Variants in WDR7 observed in about 807,000 individuals in gnomAD.
The protein encoded by WDR7 is WD repeat domain 7.
Under a neutral mutation model 169.4 loss-of-function variants are expected in WDR7, and 46 were observed. The observed-to-expected ratio is 0.27, with a 90% CI of 0.21 to 0.35. The LOEUF (loss-of-function observed/expected upper bound fraction) is 0.35. Ranked by LOEUF, WDR7 falls within the 10% of genes least tolerant of loss-of-function variation. The probability of loss-of-function intolerance (pLI) is 1.00; values close to 1 mark genes in which losing one functional copy is unlikely to be tolerated. For synonymous variants in WDR7, 612 were observed against 666.8 expected, an observed-to-expected ratio of 0.92 and a Z score of 1.27; for missense variants, 1,534 against 1,859.3, an observed-to-expected ratio of 0.83 and a Z score of 3.22.
At chr18:57,026,873 A>T in intron 27 of WDR7, 131 bp from the exon 28 acceptor site, 1 of 939,740 alleles carries the variant, frequency 1.1e-6, no homozygotes, top group Non-Finnish European at 1.6e-6. Flanking sequence ...TTGAGAGGTT[A>T]AGAACAAGCT....
At chr18:56,983,492 A>G (rs1282195778) in intron 26 of WDR7, among the ~76,000 whole-genome samples, 1 of 152,164 alleles carries the variant, frequency 6.6e-6, no homozygotes, top group Non-Finnish European at 1.5e-5. Context: ...AGAGTGGACA[A>G]TTTATACTCA....
intron 26 of WDR7, among the ~76,000 whole-genome samples, chr18:57,006,885 C>G (rs900544063): frequency 5.3e-5 from 8 of 151,926 alleles, no homozygotes; most frequent in Non-Finnish European, 8.8e-5. Context: ...TCTAAGTGAG[C>G]AACCAGTACA....
At chr18:56,699,654 CT>C (rs2025780369) in intron 12 of WDR7, 1 of 179,984 alleles carries the variant, frequency 5.6e-6, no homozygotes, top group Admixed American at 6.5e-5. Context: ...GTAAAAATTA[CT>C]TTAACTGTGA....
rs1274535659 is a variant in WDR7 at position 56,701,324 on chromosome 18, C to G, written c.1578+4862C>G. ...GTTGGAATCTGTGGTTTTGAGGTTT[C>G]TAATATTAGGTTATTTGCCATTTCT... On this transcript the variant is annotated intron_variant, in intron 12 of 27. Transcript: ENST00000254442. Among the ~76,000 whole-genome samples the G allele has an allele frequency of 2.0e-5, 3 of 152,036 alleles. No individual in the cohort carries two copies. In the East Asian group the frequency reaches 5.8e-4, roughly 29 times the overall value.
At chr18:56,687,073 T>G (rs895567009) in intron 7 of WDR7, 99 bp downstream of exon 7, 49 of 1,134,298 alleles carry the variant, frequency 4.3e-5, no homozygotes, top group Non-Finnish European at 5.3e-5. Context: ...GGTGCAAGAC[T>G]ATTTTCATCA....
downstream of WDR7, chr18:57,032,554 C>G (rs2048446523): frequency 6.6e-6 from 1 of 152,094 alleles, no homozygotes; most frequent in African/African-American, 2.4e-5. Context: ...CAGAGGTCCC[C>G]ATCACTTGCA....
chr18:56,862,527 G>T (rs927983644), intron 20 of WDR7, among the ~76,000 whole-genome samples: 5 of 151,274 alleles, frequency 3.3e-5, no homozygotes, highest in Non-Finnish European at 7.4e-5. Context: ...AGCTTAAATT[G>T]CCTGTTTTAT....
intron 26 of WDR7, among the ~76,000 whole-genome samples, chr18:57,019,283 C>T (rs139104294): frequency 6.0e-4 from 91 of 152,272 alleles, no homozygotes; most frequent in African/African-American, 2.1e-3. Flanking sequence ...TTGTGCAGAA[C>T]GCTACGTATT....
chr18:56,761,258 C>G (rs2043976710), intron 16 of WDR7, among the ~76,000 whole-genome samples: 1 of 152,208 alleles, frequency 6.6e-6, no homozygotes, highest in Admixed American at 6.5e-5. Context: ...AATTCACCCA[C>G]TTTGGCCTCC....
At chr18:56,954,048 G>C (rs942100915) in intron 25 of WDR7, among the ~76,000 whole-genome samples, 2 of 152,184 alleles carry the variant, frequency 1.3e-5, no homozygotes, top group African/African-American at 4.8e-5. Context: ...CTTTCCAGTA[G>C]ATATTAAAGA....
chr18:56,707,965 C>T (rs2025997565), intron 12 of WDR7, among the ~76,000 whole-genome samples: 1 of 151,474 alleles, frequency 6.6e-6, no homozygotes, highest in Admixed American at 6.6e-5. Flanking sequence ...CGTTTGTTTC[C>T]ATAAGAAAGG....
At chr18:56,774,600 G>T (rs1434694057) in intron 16 of WDR7, among the ~76,000 whole-genome samples, 4 of 152,076 alleles carry the variant, frequency 2.6e-5, no homozygotes, top group Non-Finnish European at 5.9e-5. Flanking sequence ...TGCAACTTCA[G>T]ATTTATTATT....
At chr18:56,771,252 CATA>C (rs2044150575) in intron 16 of WDR7, among the ~76,000 whole-genome samples, 1 of 152,136 alleles carries the variant, frequency 6.6e-6, no homozygotes, top group Non-Finnish European at 1.5e-5. Flanking sequence ...GTTTCATGAT[CATA>C]GTACTTATAT....
At chr18:56,777,448 C>T (rs1421264852) in intron 17 of WDR7, among the ~76,000 whole-genome samples, 1 of 152,112 alleles carries the variant, frequency 6.6e-6, no homozygotes, top group Non-Finnish European at 1.5e-5. Flanking sequence ...CGTAGTTGGG[C>T]TACCATGTTA....
chr18:56,700,425 T>G (rs1292886739), intron 12 of WDR7, among the ~76,000 whole-genome samples: 1 of 151,420 alleles, frequency 6.6e-6, no homozygotes, highest in Non-Finnish European at 1.5e-5. Flanking sequence ...CCCAGCTAAT[T>G]TTTGTATTTT....
chr18:56,893,480 C>G (rs376329446), intron 21 of WDR7, among the ~76,000 whole-genome samples: 1 of 151,990 alleles, frequency 6.6e-6, no homozygotes, highest in Non-Finnish European at 1.5e-5. Flanking sequence ...ATTTTGTGAA[C>G]TTGTTTGTAG....
chr18:57,022,509 C>G (rs144462529), intron 27 of WDR7, among the ~76,000 whole-genome samples: 60 of 152,250 alleles, frequency 3.9e-4, no homozygotes, highest in African/African-American at 1.4e-3. Flanking sequence ...TCTCTTTTTT[C>G]CAACTTTCTT....
chr18:56,794,348 C>T lies in WDR7; in HGVS notation c.3190+12692C>T, dbSNP rs371393475. 4.7e-4 allele frequency among the ~76,000 whole-genome samples: 43 copies of T among 92,214 alleles called. No individual in the cohort carries two copies. In the East Asian group the frequency reaches 0.012, roughly 26 times the overall value. 60.5% of individuals were successfully genotyped at this position (92,214 alleles called of 152,430 possible). On this transcript the variant is annotated intron_variant, in intron 19 of 27. Coordinates refer to ENST00000254442, the MANE Select transcript of WDR7 (RefSeq NM_015285.3). ...TTTTTGAGACAGAGTCTCACTCTGT[C>T]GCCCAGGCTGGAGTACAGTGGCGTG...
chr18:56,697,747 A>G (rs575160393), intron 12 of WDR7, among the ~76,000 whole-genome samples: 3 of 152,310 alleles, frequency 2.0e-5, no homozygotes, highest in Non-Finnish European at 4.4e-5. Flanking sequence ...TTTCAATGCA[A>G]AAATTGATTA....
Sources: gnomAD v4.1 joint callset for allele counts (sites outside exome capture counted in the v4.1 genomes callset) on GRCh38, gnomAD v4.1.1 for gene constraint, MANE v1.5 for transcripts, NCBI Gene and HGNC (gene_info 2026-07-23, HGNC 2026-07-21) for gene names.